NFILZ: variants seen among roughly 807,000 people sequenced by gnomAD.
NFILZ encodes the protein NFIL3 like protein.
intron 3 of NFILZ, among the ~76,000 whole-genome samples, chr19:8,672,341 A>C (rs1021152160): frequency 2.6e-5 from 4 of 152,028 alleles, no homozygotes; most frequent in Admixed American, 6.6e-5. Context: ...ATTCAAAAAA[A>C]CCACACATTT....
At chr19:8,659,260 T>A (rs28638180) in intron 3 of NFILZ, among the ~76,000 whole-genome samples, 82,656 of 150,990 alleles carry the variant, frequency 0.55, 23,094 homozygotes, top group Non-Finnish European at 0.61. Context: ...AAAAAAAAAA[T>A]TTTTTTTTAA....
In NFILZ at chr19:8,656,459, T is replaced by TC. The variant is rs2043001522; in HGVS notation, c.-163-18091dup. ...CACCTTCTCCTCGAAGCCCACCTTCTCTCTGAAGCCCACCTTCTCCCGCAG... is the reference window on the plus strand; with the variant it reads ...CACCTTCTCCTCGAAGCCCACCTTCTCCTCTGAAGCCCACCTTCTCCCGCAG... On this transcript the variant is annotated intron_variant, in intron 3 of 5. Transcript: ENST00000691075. 2.1e-3 allele frequency among the ~76,000 whole-genome samples: 141 copies of TC among 66,044 alleles called. 5 individuals carry two copies. Among genetic ancestry groups the TC allele is most frequent in the South Asian group, 7.3e-3 (15 of 2,052 alleles). 43.3% of individuals were successfully genotyped at this position (66,044 alleles called of 152,430 possible). A position where few individuals can be genotyped will look rare whatever the true frequency, so the allele number is the denominator to read the frequency against.
At chr19:8,675,722 C>A (rs1272273043) in intron 4 of NFILZ, among the ~76,000 whole-genome samples, 3 of 152,120 alleles carry the variant, frequency 2.0e-5, no homozygotes, top group African/African-American at 7.2e-5. Flanking sequence ...AACTATGATC[C>A]CATCAATGCA....
At chr19:8,643,279 A>T (rs1261399087) in intron 3 of NFILZ, among the ~76,000 whole-genome samples, 1 of 152,166 alleles carries the variant, frequency 6.6e-6, no homozygotes, top group African/African-American at 2.4e-5. Flanking sequence ...ATATGTTTTC[A>T]CATGTTTTCA....
intron 3 of NFILZ, among the ~76,000 whole-genome samples, chr19:8,657,257 C>G (rs938477044): frequency 1.3e-5 from 2 of 151,676 alleles, no homozygotes; most frequent in African/African-American, 4.8e-5. Flanking sequence ...CAGGCACGCG[C>G]CACCACACCC....
intron 3 of NFILZ, among the ~76,000 whole-genome samples, chr19:8,668,132 G>A (rs1555749990): frequency 6.6e-6 from 1 of 151,884 alleles, no homozygotes; most frequent in African/African-American, 2.4e-5. Context: ...TGTATTTTTA[G>A]TAGAGACAGG....
chr19:8,673,413 C>A (rs1328142822), intron 3 of NFILZ, among the ~76,000 whole-genome samples: 2 of 152,156 alleles, frequency 1.3e-5, no homozygotes, highest in African/African-American at 4.8e-5. Flanking sequence ...CAGGGCGTCC[C>A]GTCTGGCACC....
intron 3 of NFILZ, among the ~76,000 whole-genome samples, chr19:8,663,689 G>A (rs899129810): frequency 4.3e-5 from 5 of 116,466 alleles, no homozygotes; most frequent in African/African-American, 1.9e-4. Flanking sequence ...TGGGCTCAGC[G>A]TAGAATTAAC....
chr19:8,648,123 G>A (rs2042950159), intron 3 of NFILZ, among the ~76,000 whole-genome samples: 1 of 138,988 alleles, frequency 7.2e-6, no homozygotes, highest in African/African-American at 2.7e-5. Context: ...GCAGTGAGCC[G>A]AGATTGAGCC....
chr19:8,652,617 C>T (rs2146148184), intron 3 of NFILZ, among the ~76,000 whole-genome samples: 1 of 152,342 alleles, frequency 6.6e-6, no homozygotes, highest in Middle Eastern at 3.4e-3. Flanking sequence ...TCAGTCTTTA[C>T]ACCATTGATT....
intron 3 of NFILZ, among the ~76,000 whole-genome samples, chr19:8,669,673 G>A (rs1369075592): frequency 6.6e-6 from 1 of 152,214 alleles, no homozygotes; most frequent in Non-Finnish European, 1.5e-5. Flanking sequence ...TTAACCTGGT[G>A]CATTAGGAAG....
intron 3 of NFILZ, among the ~76,000 whole-genome samples, chr19:8,673,801 T>C (rs1473567474): frequency 6.6e-6 from 1 of 152,154 alleles, no homozygotes; most frequent in Admixed American, 6.5e-5. Context: ...CTAGGAGTTC[T>C]TGTTGACTTG....
chr19:8,656,590 T>C (rs1353920832), intron 3 of NFILZ, among the ~76,000 whole-genome samples: 2 of 150,870 alleles, frequency 1.3e-5, no homozygotes, highest in African/African-American at 2.4e-5. Context: ...TGTCCTGCCT[T>C]TTTACTTCTA....
chr19:8,648,171 C>CAAAAAAA (rs56776806), intron 3 of NFILZ, among the ~76,000 whole-genome samples: 9 of 68,510 alleles, frequency 1.3e-4, no homozygotes, highest in East Asian at 4.2e-4. Flanking sequence ...GACTCCGTCT[C>CAAAAAAA]AAAAAAAAAA....
rs1159763844 is a variant in NFILZ, at chr19:8,647,791, GCGCGCACACACA to G, written c.-164+12047_-164+12058del. Reference sequence around the variant, plus strand: ...CACACGCACACATGCGCGCGCGCGCGCGCGCACACACACACACACACACACACACACACACAC... The same window carrying G: ...CACACGCACACATGCGCGCGCGCGCGCACACACACACACACACACACACAC... On this transcript the variant is annotated intron_variant, in intron 3 of 5. Coordinates refer to ENST00000691075, the MANE Select transcript of NFILZ (RefSeq NM_001378600.1). 3.8e-3 allele frequency among the ~76,000 whole-genome samples: 267 copies of G among 69,994 alleles called. 2 individuals carry two copies. The highest frequency in any genetic ancestry group is 0.021 in the Middle Eastern group (2 of 94). The allele number at this position is 69,994 out of a possible 152,430, so 45.9% of individuals were successfully genotyped here.
chr19:8,676,675 A>G (rs1395944401), intron 5 of NFILZ, among the ~76,000 whole-genome samples, 76 bp from the exon 6 acceptor site: 3 of 152,222 alleles, frequency 2.0e-5, no homozygotes, highest in African/African-American at 7.2e-5. Context: ...TGGTGGAGAC[A>G]AAGGATAAAT....
chr19:8,654,227 T>G (rs1162576756), intron 3 of NFILZ, among the ~76,000 whole-genome samples: 1 of 149,528 alleles, frequency 6.7e-6, no homozygotes, highest in Non-Finnish European at 1.5e-5. Context: ...AGTGAAATTC[T>G]GTCTCAAAAC....
intron 3 of NFILZ, among the ~76,000 whole-genome samples, chr19:8,665,673 G>A (rs192692640): frequency 6.1e-4 from 93 of 152,284 alleles, no homozygotes; most frequent in African/African-American, 2.2e-3. Context: ...TTGCCAGGAA[G>A]CAAGGTATAC....
chr19:8,653,818 G>T (rs2042979983), intron 3 of NFILZ, among the ~76,000 whole-genome samples: 1 of 152,196 alleles, frequency 6.6e-6, no homozygotes, highest in Non-Finnish European at 1.5e-5. Flanking sequence ...GGCCCTTGGG[G>T]TGGGAAAGGT....
Sources: gnomAD v4.1 joint callset for allele counts (sites outside exome capture counted in the v4.1 genomes callset) on GRCh38, gnomAD v4.1.1 for gene constraint, MANE v1.5 for transcripts, NCBI Gene and HGNC (gene_info 2026-07-23, HGNC 2026-07-21) for gene names.